POLN: variants seen among roughly 807,000 people sequenced by gnomAD.
POLN encodes DNA polymerase N.
POLN carries 108 observed loss-of-function variants against 113.5 expected under a neutral mutation model. The ratio of observed to expected loss-of-function variants is 0.95; its 90% CI spans 0.81 to 1.12. The LOEUF (loss-of-function observed/expected upper bound fraction) is 1.12, where lower values mean the gene tolerates loss of function less well. Among genes scored for constraint, POLN ranks in the 50% most tolerant of loss-of-function variants. POLN has a pLI of 0.00. For missense variants in POLN, 1,097 were observed against 1,077.1 expected (o/e 1.02, Z -0.26); for synonymous variants, 386 against 391.5 (o/e 0.99, Z 0.17).
At chr4:2,216,625 G>A (rs1734119039) in intron 3 of POLN, among the ~76,000 whole-genome samples, 1 of 152,230 alleles carries the variant, frequency 6.6e-6, no homozygotes. Context: ...GCAGGATCCT[G>A]TGGATCAAAC....
At chr4:2,229,436 T>C in intron 2 of POLN, 193 bp from the exon 3 acceptor site, 1 of 447,924 alleles carries the variant, frequency 2.2e-6, no homozygotes. Context: ...AGAGGCTTAA[T>C]CCAGGTATCA....
chr4:2,175,759 C>T (rs1346631463), intron 9 of POLN, among the ~76,000 whole-genome samples: 1 of 152,230 alleles, frequency 6.6e-6, no homozygotes, highest in African/African-American at 2.4e-5. Context: ...ACCCGGGCCA[C>T]TCCTCTGCTC....
At chr4:2,113,224 C>T (rs1457952144) in intron 19 of POLN, among the ~76,000 whole-genome samples, 11 of 107,994 alleles carry the variant, frequency 1.0e-4, no homozygotes, top group East Asian at 2.8e-4. Context: ...CATCACACAC[C>T]GGGGACTGTT....
At chr4:2,185,055 T>C (rs575904768) in intron 7 of POLN, among the ~76,000 whole-genome samples, 1 of 152,328 alleles carries the variant, frequency 6.6e-6, no homozygotes, top group African/African-American at 2.4e-5. Context: ...TTTATGTAAG[T>C]GTTATAGCTA....
At chr4:2,174,443 C>T (rs7665078) in intron 10 of POLN, among the ~76,000 whole-genome samples, 37,303 of 151,946 alleles carry the variant, frequency 0.25, 7,039 homozygotes, top group African/African-American at 0.51. Flanking sequence ...AAGCCTACTC[C>T]TCCTTGGCCA....
At chr4:2,147,260 A>G (rs1175027201) in intron 16 of POLN, among the ~76,000 whole-genome samples, 2 of 152,208 alleles carry the variant, frequency 1.3e-5, no homozygotes. Context: ...ATGCAGAAAC[A>G]TTAGGAGAGA....
At chr4:2,177,372 C>T in intron 8 of POLN, 1 of 419,770 alleles carries the variant, frequency 2.4e-6, no homozygotes. Context: ...CTGCTGCTCC[C>T]TCTACCTGGA....
chr4:2,195,598 A>T (rs1213341258), intron 6 of POLN, among the ~76,000 whole-genome samples: 2 of 151,514 alleles, frequency 1.3e-5, no homozygotes, highest in Non-Finnish European at 2.9e-5. Context: ...ATCCTCCAAC[A>T]TCAGCCTCTA....
chr4:2,177,368 C>A, intron 8 of POLN: 1 of 422,380 alleles, frequency 2.4e-6, no homozygotes, highest in South Asian at 1.7e-5. Flanking sequence ...ATCCCTGCTG[C>A]TCCCTCTACC....
In POLN at chr4:2,198,519, C is replaced by T. The variant is rs1219572098; in HGVS notation, c.908+5G>A. On this transcript the variant is annotated splice_donor_5th_base_variant and intron_variant, in intron 6 of 25. Coordinates refer to ENST00000511885, the MANE Select transcript of POLN (RefSeq NM_181808.4). ...GGTGTGAGCCCATGTGTGAAGATTT[C>T]TTACCGGGCAAATTGTTGATGTGCC... The T allele has an allele frequency of 6.2e-7, 1 of 1,604,212 alleles. No homozygotes were observed. Among genetic ancestry groups the T allele is most frequent in the Non-Finnish European group, 8.5e-7 (1 of 1,174,412 alleles).
At chr4:2,188,802 T>A (rs558673402) in intron 7 of POLN, among the ~76,000 whole-genome samples, 1 of 152,156 alleles carries the variant, frequency 6.6e-6, no homozygotes, top group African/African-American at 2.4e-5. Flanking sequence ...AAAACAGTAA[T>A]AGCTATGGTA....
chr4:2,216,716 T>C (rs1734121020), intron 3 of POLN, among the ~76,000 whole-genome samples: 2 of 152,224 alleles, frequency 1.3e-5, no homozygotes, highest in African/African-American at 4.8e-5. Flanking sequence ...CGTGTGTTGG[T>C]TCTGGCCAAG....
Position 2,214,906 on chromosome 4 carries a change from T to TATATAC in POLN, c.134-1786_134-1781dup, listed in dbSNP as rs1491297718. ...ATACACATACATATACATATATATG[T>TATATAC]ATATACATATACATATATATGTATA... is the stretch of plus-strand genomic sequence containing the variant. On this transcript the variant is annotated intron_variant, in intron 3 of 25. Coordinates refer to ENST00000511885, the MANE Select transcript of POLN (RefSeq NM_181808.4). 3.6e-4 allele frequency among the ~76,000 whole-genome samples: 54 copies of TATATAC among 151,314 alleles called. 1 individual carries two copies. The highest frequency in any genetic ancestry group is 1.3e-3 in the African/African-American group (52 of 41,084).
chr4:2,176,817 G>T (rs569187098), intron 8 of POLN, among the ~76,000 whole-genome samples: 53 of 152,132 alleles, frequency 3.5e-4, no homozygotes, highest in African/African-American at 1.2e-3. Flanking sequence ...GACAAACAAG[G>T]GTCTGTGTTC....
intron 4 of POLN, among the ~76,000 whole-genome samples, chr4:2,212,090 G>T (rs529606093): frequency 6.6e-6 from 1 of 152,042 alleles, no homozygotes; most frequent in African/African-American, 2.4e-5. Context: ...TTACTATAGG[G>T]CATTTAGGTT....
chr4:2,092,420 G>T (rs1431774586), intron 20 of POLN, among the ~76,000 whole-genome samples: 2 of 152,214 alleles, frequency 1.3e-5, no homozygotes, highest in Non-Finnish European at 2.9e-5. Flanking sequence ...CGTCAGGCTG[G>T]GGACGGACAT....
At chr4:2,124,243 T>C (rs1731520521) in intron 19 of POLN, among the ~76,000 whole-genome samples, 1 of 152,026 alleles carries the variant, frequency 6.6e-6, no homozygotes, top group South Asian at 2.1e-4. Context: ...TTTGGGGTGA[T>C]CGAAATGTTC....
At chr4:2,160,450 G>A (rs1270075427) in intron 13 of POLN, among the ~76,000 whole-genome samples, 5 of 151,420 alleles carry the variant, frequency 3.3e-5, no homozygotes, top group Admixed American at 6.6e-5. Context: ...TCTGTTCCCC[G>A]GGCTGGAGTG....
intron 16 of POLN, among the ~76,000 whole-genome samples, chr4:2,146,953 A>T (rs1732159111): frequency 1.3e-5 from 2 of 152,252 alleles, no homozygotes; most frequent in Admixed American, 6.5e-5. Context: ...CAGTGAGCAT[A>T]TATTTAGGAA....
Sources: gnomAD v4.1 joint callset for allele counts (sites outside exome capture counted in the v4.1 genomes callset) on GRCh38, gnomAD v4.1.1 for gene constraint, MANE v1.5 for transcripts, NCBI Gene and HGNC (gene_info 2026-07-23, HGNC 2026-07-21) for gene names.